Variants in CCND1 observed in about 807,000 individuals in gnomAD.
The protein encoded by CCND1 is G1/S-specific cyclin-D1.
In CCND1, 9 loss-of-function variants were observed where a neutral mutation model predicts 26.1. The observed-to-expected ratio is 0.35, with a 90% confidence interval of 0.21 to 0.60. The LOEUF is 0.60. CCND1 is among the 20% of genes least tolerant of loss of function. The pLI, the probability that CCND1 is intolerant of heterozygous loss-of-function variation, is 0.79. For missense variants in CCND1, 335 were observed against 392.9 expected (o/e 0.85, Z 1.25); for synonymous variants, 194 against 166.1 (o/e 1.17, Z -1.29).
At position 69,654,352 on chromosome 11, in the gene CCND1, C is replaced by G. The variant is rs11604847; in HGVS notation, c.*3070C>G. The G allele has an allele frequency of 1.4e-6, 1 of 702,414 alleles. No individual in the cohort carries two copies. Among genetic ancestry groups the G allele is most frequent in the South Asian group, 1.5e-5 (1 of 67,588 alleles). The allele number at this position is 702,414 out of a possible 1,614,324, so 43.5% of individuals were successfully genotyped here. A position where few individuals can be genotyped will look rare whatever the true frequency, so the allele number is the denominator to read the frequency against. On this transcript the variant is annotated 3_prime_UTR_variant, in exon 5 of 5. Coordinates refer to ENST00000227507, the MANE Select transcript of CCND1 (RefSeq NM_053056.3). This position sits in a 1 kb window ranked among gnomAD's most constrained non-coding sequence, Gnocchi z 6.3. Reference sequence around the variant, plus strand: ...GTCTGAGGGTCTGGGCGGCGGGCGGCTGGGTCTGTGCATTTCTGGTTGCAC... The same window carrying G: ...GTCTGAGGGTCTGGGCGGCGGGCGGGTGGGTCTGTGCATTTCTGGTTGCAC...
chr11:69,641,555 G>A, intron 1 of CCND1, 44 bp downstream of exon 1: 1 of 1,590,120 alleles, frequency 6.3e-7, no homozygotes, highest in Non-Finnish European at 8.6e-7. Context: ...CCTGCAACTT[G>A]TTGCCCAGAC....
At position 69,654,086 on chromosome 11, in the gene CCND1, T is replaced by C; in HGVS notation, c.*2804T>C. ...TTGGGGCCCTGCCCTGGCAGGGTCA[T>C]CCTGTGCTCGGAGGCCATCTCGGGC... On this transcript the variant is annotated 3_prime_UTR_variant, in exon 5 of 5. Transcript: ENST00000227507. The surrounding 1 kb of genome is among the most constrained non-coding windows in gnomAD (Gnocchi z 6.3). 1.6e-6 allele frequency: 1 copy of C among 638,088 alleles called. No individual in the cohort carries two copies. Among genetic ancestry groups the C allele is most frequent in the Non-Finnish European group, 2.8e-6 (1 of 352,090 alleles). The allele number at this position is 638,088 out of a possible 1,614,324, so 39.5% of individuals were successfully genotyped here.
At chr11:69,642,978 C>CGGGGGGGCGGCGCGACCTG in intron 1 of CCND1, 53 bp from the exon 2 acceptor site, 2 of 1,370,546 alleles carry the variant, frequency 1.5e-6, no homozygotes, top group South Asian at 2.9e-5. Flanking sequence ...CGGGGGCGTG[C>CGGGGGGGCGGCGCGACCTG]GGGGGGGCGG....
At chr11:69,648,890 G>A (rs1486282560) in intron 4 of CCND1, among the ~76,000 whole-genome samples, 5 of 152,144 alleles carry the variant, frequency 3.3e-5, no homozygotes, top group Non-Finnish European at 5.9e-5. Flanking sequence ...CGGGGACTCC[G>A]CACGGGTCTC....
Position 69,653,259 on chromosome 11 carries a change from T to A in CCND1, c.*1977T>A. 1.4e-6 allele frequency: 1 copy of A among 702,294 alleles called. No homozygotes were observed. Among genetic ancestry groups the A allele is most frequent in the Non-Finnish European group, 2.6e-6 (1 of 384,792 alleles). 43.5% of individuals were successfully genotyped at this position (702,294 alleles called of 1,614,324 possible). The stretch of plus-strand genomic sequence containing the variant: ...TCTTATTGCGCTGCTACCGTTGACT[T>A]CCAGGCACGGTTTGGAAATATTCAC... On this transcript the variant is annotated 3_prime_UTR_variant, in exon 5 of 5. Coordinates refer to ENST00000227507, the MANE Select transcript of CCND1 (RefSeq NM_053056.3).
chr11:69,647,939 G>T (rs1022574351), intron 3 of CCND1, 55 bp from the exon 4 acceptor site: 1 of 1,600,276 alleles, frequency 6.2e-7, no homozygotes, highest in African/African-American at 1.3e-5. Flanking sequence ...GGATCACGGG[G>T]GCCCTGAGAG....
chr11:69,654,067 C>A lies in CCND1; in HGVS notation c.*2785C>A. 1 of 614,158 alleles carries A rather than the reference C, an allele frequency of 1.6e-6. No homozygotes were observed. Among genetic ancestry groups the A allele is most frequent in the Admixed American group, 2.7e-5 (1 of 37,360 alleles). 38.0% of individuals were successfully genotyped at this position (614,158 alleles called of 1,614,324 possible). ...CCGCTGCGGGCCCACGTGGTTGGGG[C>A]CCTGCCCTGGCAGGGTCATCCTGTG... On this transcript the variant is annotated 3_prime_UTR_variant, in exon 5 of 5. Transcript: ENST00000227507. The surrounding 1 kb of genome is among the most constrained non-coding windows in gnomAD (Gnocchi z 6.3).
rs1365689629 is a variant in CCND1, at chr11:69,653,771, T to A, written c.*2489T>A. The stretch of plus-strand genomic sequence containing the variant: ...CGTGTAGCTATGGAAGTTGCATAAT[T>A]ATTATTATTATTATTATAACAAGTG... On this transcript the variant is annotated 3_prime_UTR_variant, in exon 5 of 5. Coordinates refer to ENST00000227507, the MANE Select transcript of CCND1 (RefSeq NM_053056.3). 8.2e-5 allele frequency: 21 copies of A among 256,676 alleles called. No homozygotes were observed. The highest frequency in any genetic ancestry group is 9.0e-5 in the Non-Finnish European group (12 of 133,150). The allele number at this position is 256,676 out of a possible 1,614,324, so 15.9% of individuals were successfully genotyped here.
In CCND1 at chr11:69,643,205, T is replaced by C. The variant is rs1565225031; in HGVS notation, c.373T>C (p.Cys125Arg). The C allele has an allele frequency of 1.2e-6, 2 of 1,602,630 alleles. No homozygotes were observed. The highest frequency in any genetic ancestry group is 8.5e-7 in the Non-Finnish European group (1 of 1,175,106). Residue 125 changes from cysteine to arginine, a missense_variant, in exon 2 of 5, where the codon TGC becomes CGC. Transcript: ENST00000227507. ...ETIPLTAEKLCIYTDNSIRPE... is the reference protein window; with the variant it reads ...ETIPLTAEKLRIYTDNSIRPE... Reference sequence around the variant, plus strand: ...CATCCCCCTGACGGCCGAGAAGCTGTGCATCTACACCGACAACTCCATCCG... The same window carrying C: ...CATCCCCCTGACGGCCGAGAAGCTGCGCATCTACACCGACAACTCCATCCG...
intron 4 of CCND1, 130 bp from the exon 5 acceptor site, chr11:69,650,988 G>A (rs1025280304): frequency 1.7e-5 from 13 of 760,228 alleles, no homozygotes; most frequent in Non-Finnish European, 2.3e-5. Context: ...AGCATGGGCC[G>A]AGGGACAGTT....
intron 3 of CCND1, among the ~76,000 whole-genome samples, chr11:69,645,962 C>T (rs1855772990): frequency 6.6e-6 from 1 of 152,188 alleles, no homozygotes; most frequent in South Asian, 2.1e-4. Flanking sequence ...ACAGCTGTCA[C>T]TTCCCTTTAC....
intron 2 of CCND1, chr11:69,643,570 A>G (rs1855739730): frequency 2.2e-6 from 1 of 450,078 alleles, no homozygotes. Flanking sequence ...AGGTGGTGGG[A>G]GGTCTTTTTG....
intron 4 of CCND1, 160 bp downstream of exon 4, chr11:69,648,302 C>T (rs976142818): frequency 1.4e-5 from 10 of 707,532 alleles, no homozygotes; most frequent in African/African-American, 1.1e-4. Flanking sequence ...GACAGGGCAC[C>T]GGCTTCTTCC....
intron 4 of CCND1, among the ~76,000 whole-genome samples, chr11:69,648,567 G>A (rs898954037): frequency 2.0e-5 from 3 of 152,226 alleles, no homozygotes; most frequent in Admixed American, 6.5e-5. Flanking sequence ...GACAACGGGC[G>A]GATAGAGACA....
rs1433076036 is a variant in CCND1, at chr11:69,651,612, G to A, written c.*330G>A. 5 of 274,180 alleles carry A rather than the reference G, an allele frequency of 1.8e-5. No individual in the cohort carries two copies. Among genetic ancestry groups the A allele is most frequent in the Non-Finnish European group, 3.4e-5 (5 of 146,806 alleles). The allele number at this position is 274,180 out of a possible 1,614,324, so 17.0% of individuals were successfully genotyped here. On this transcript the variant is annotated 3_prime_UTR_variant, in exon 5 of 5. Coordinates refer to ENST00000227507, the MANE Select transcript of CCND1 (RefSeq NM_053056.3). ...ATAATCAACTCGTTTTTATATTAAT[G>A]TACTTGTTTCTCTGTTGTAAGAATA... is the stretch of plus-strand genomic sequence containing the variant.
In CCND1 at chr11:69,644,152, T is replaced by G. The variant is rs76341104; in HGVS notation, c.574+161T>G. The G allele has an allele frequency of 7.9e-4, 559 of 710,270 alleles. 5 individuals are homozygous for G. In the East Asian group the frequency reaches 0.013, roughly 17 times the overall value. 44.0% of individuals were successfully genotyped at this position (710,270 alleles called of 1,614,324 possible). ...TTCCAGCTCTGGTGAGCAGAGGCCC[T>G]GGATTGTTTGTCGCGCTGGATGGAG... On this transcript the variant is annotated intron_variant, in intron 3 of 4. Coordinates refer to ENST00000227507, the MANE Select transcript of CCND1 (RefSeq NM_053056.3).
rs925185471 is a variant in CCND1 at position 69,641,415 on chromosome 11, G to A, written c.102G>A (p.Ala34=). Residue 34 remains alanine, a synonymous_variant, in exon 1 of 5, where the codon GCG becomes GCA. Coordinates refer to ENST00000227507, the MANE Select transcript of CCND1 (RefSeq NM_053056.3). ...GGGTGCTGCGGGCCATGCTGAAGGCGGAGGAGACCTGCGCGCCCTCGGTGT... is the reference window on the plus strand; with the variant it reads ...GGGTGCTGCGGGCCATGCTGAAGGCAGAGGAGACCTGCGCGCCCTCGGTGT... ...NDRVLRAMLK[A]EETCAPSVSY... The A allele has an allele frequency of 6.2e-7, 1 of 1,613,466 alleles. No individual in the cohort carries two copies. The highest frequency in any genetic ancestry group is 8.5e-7 in the Non-Finnish European group (1 of 1,180,022).
At chr11:69,642,964 G>T (rs1804843025) in intron 1 of CCND1, 67 bp from the exon 2 acceptor site, 7 of 1,209,632 alleles carry the variant, frequency 5.8e-6, no homozygotes, top group Non-Finnish European at 6.5e-6. Flanking sequence ...CGCGATGGGG[G>T]GTGCGGGGGC....
chr11:69,648,259 G>A (rs1261039036), intron 4 of CCND1, 117 bp downstream of exon 4: 3 of 1,236,436 alleles, frequency 2.4e-6, no homozygotes, highest in Admixed American at 2.2e-5. Context: ...GTTGGGGCTG[G>A]GGCTGGGCCC....
Sources: gnomAD v4.1 joint callset for allele counts (sites outside exome capture counted in the v4.1 genomes callset) on GRCh38, gnomAD v4.1.1 for gene constraint, Gnocchi (gnomAD v3.1) non-coding constraint, MANE v1.5 for transcripts, NCBI Gene and HGNC (gene_info 2026-07-23, HGNC 2026-07-21) for gene names.